PLCB4: variants seen among roughly 807,000 people sequenced by gnomAD.
PLCB4 encodes phospholipase C beta 4.
PLCB4 carries 77 observed loss-of-function variants against 178.8 expected under a neutral mutation model. That is an observed-to-expected ratio of 0.43 (90% CI 0.36 to 0.52). The LOEUF is 0.52. Among genes scored for constraint, PLCB4 ranks in the 20% least tolerant of loss-of-function variants. The pLI is 0.00. For missense variants in PLCB4, 1,024 were observed against 1,453.4 expected (o/e 0.70, Z 4.80); for synonymous variants, 496 against 490.8 (o/e 1.01, Z -0.14).
intron 9 of PLCB4, 146 bp from the exon 10 acceptor site, chr20:9,371,068 T>C (rs1472839272): frequency 6.4e-6 from 4 of 624,082 alleles, no homozygotes; most frequent in Non-Finnish European, 5.8e-6. Context: ...GTTTGGGAAA[T>C]GAAAAACATC....
chr20:9,424,092 A>G, intron 28 of PLCB4, 140 bp downstream of exon 28: 2 of 628,186 alleles, frequency 3.2e-6, no homozygotes. Context: ...ATTACCTTGA[A>G]TACATCAAGA....
At chr20:9,232,107 A>C (rs1390466037) in intron 3 of PLCB4, among the ~76,000 whole-genome samples, 2 of 152,156 alleles carry the variant, frequency 1.3e-5, no homozygotes, top group Admixed American at 6.5e-5. Context: ...GGCAGATCTA[A>C]TCCATAGTGA....
intron 7 of PLCB4, among the ~76,000 whole-genome samples, chr20:9,360,801 T>C (rs1277965787): frequency 2.0e-5 from 3 of 152,254 alleles, no homozygotes; most frequent in Non-Finnish European, 4.4e-5. Context: ...TGATGCTTGC[T>C]GAGGCTTTCG....
At chr20:9,259,559 A>G (rs2094275436) in intron 3 of PLCB4, among the ~76,000 whole-genome samples, 1 of 152,170 alleles carries the variant, frequency 6.6e-6, no homozygotes, top group Non-Finnish European at 1.5e-5. Flanking sequence ...AGTCAATTAA[A>G]AAACGAAATA....
intron 7 of PLCB4, among the ~76,000 whole-genome samples, 200 bp downstream of exon 7, chr20:9,339,237 A>ATACCTAC (rs749229274): frequency 1.4e-4 from 21 of 152,192 alleles, no homozygotes; most frequent in Non-Finnish European, 2.4e-4. Flanking sequence ...AACAACCCAA[A>ATACCTAC]TACCTACTAC....
Position 9,419,840 on chromosome 20 carries a change from T to A in PLCB4, c.2085T>A (p.Pro695=). The A allele has an allele frequency of 6.2e-7, 1 of 1,614,048 alleles. No homozygotes were observed. The highest frequency in any genetic ancestry group is 8.5e-7 in the Non-Finnish European group (1 of 1,179,854). The change falls in exon 26 of 40, where the codon CCT becomes CCA. Residue 695 remains proline (P), a synonymous_variant. Coordinates refer to ENST00000378473, the MANE Select transcript of PLCB4 (RefSeq NM_001377142.1). ...YLLKPDFMRR[P]DRTFDPFSET... ...TCAAACCAGATTTCATGAGGCGGCC[T>A]GATCGAACATTTGACCCCTTCTCTG...
At chr20:9,460,321 G>C (rs777787579) in intron 35 of PLCB4, among the ~76,000 whole-genome samples, 1 of 152,142 alleles carries the variant, frequency 6.6e-6, no homozygotes, top group African/African-American at 2.4e-5. Flanking sequence ...AGAATGATCT[G>C]GAGTCTCTTA....
At position 9,409,262 on chromosome 20, in the gene PLCB4, G is replaced by C. The variant is rs138006275; in HGVS notation, c.1999+81G>C. On this transcript the variant is annotated intron_variant, in intron 24 of 39. Coordinates refer to ENST00000378473, the MANE Select transcript of PLCB4 (RefSeq NM_001377142.1). ...TGCCAGCACTTCCCATCAGTTGGCT[G>C]TGGGCATTTTTTAAAGGAAGCAGAC... 2.1e-3 allele frequency: 2,523 copies of C among 1,196,842 alleles called. 15 individuals carry two copies. Among genetic ancestry groups the C allele is most frequent in the African/African-American group, 0.019 (1,227 of 63,040 alleles). The allele number at this position is 1,196,842 out of a possible 1,614,324, so 74.1% of individuals were successfully genotyped here.
intron 2 of PLCB4, among the ~76,000 whole-genome samples, chr20:9,175,563 C>T (rs571383305): frequency 1.3e-5 from 2 of 152,152 alleles, no homozygotes; most frequent in African/African-American, 2.4e-5. Flanking sequence ...AAATTAAATA[C>T]AAATGTTATG....
intron 2 of PLCB4, among the ~76,000 whole-genome samples, chr20:9,187,827 G>A (rs1324743902): frequency 6.6e-6 from 1 of 152,180 alleles, no homozygotes; most frequent in Non-Finnish European, 1.5e-5. Flanking sequence ...AAGATTCAAG[G>A]GTGGGTTGTC....
intron 2 of PLCB4, among the ~76,000 whole-genome samples, chr20:9,099,084 A>G (rs925309216): frequency 6.6e-6 from 1 of 152,034 alleles, no homozygotes; most frequent in African/African-American, 2.4e-5. Flanking sequence ...AATCTACTTT[A>G]TACTACTACC....
At chr20:9,459,511 G>T in intron 34 of PLCB4, 124 bp from the exon 35 acceptor site, 1 of 568,788 alleles carries the variant, frequency 1.8e-6, no homozygotes. Flanking sequence ...GTGGTTATAG[G>T]TGTCTCATGA....
chr20:9,103,445 A>C (rs2091253754), intron 2 of PLCB4, among the ~76,000 whole-genome samples: 1 of 152,214 alleles, frequency 6.6e-6, no homozygotes, highest in South Asian at 2.1e-4. Flanking sequence ...GCACCATTTA[A>C]TATTTTTGCA....
Position 9,337,278 on chromosome 20 carries a change from C to T in PLCB4, c.165+72C>T, listed in dbSNP as rs2032594304. ...GCCATTTTGTTTCTCAACAAGTAGA[C>T]TGAGTGCTGTTGATGAACCCTACCC... On this transcript the variant is annotated intron_variant, in intron 5 of 39. Transcript: ENST00000378473. The T allele has an allele frequency of 1.1e-5, 11 of 1,034,348 alleles. No homozygotes were observed. The Admixed American group carries it at 1.9e-4, about 18-fold the overall frequency. The allele number at this position is 1,034,348 out of a possible 1,614,324, so 64.1% of individuals were successfully genotyped here. A position where few individuals can be genotyped will look rare whatever the true frequency, so the allele number is the denominator to read the frequency against.
chr20:9,084,259 G>T (rs2090296558), intron 1 of PLCB4, among the ~76,000 whole-genome samples: 2 of 151,976 alleles, frequency 1.3e-5, no homozygotes, highest in Non-Finnish European at 2.9e-5. Flanking sequence ...CTTCTTTAAG[G>T]AGTCTTATAA....
At chr20:9,151,238 G>A (rs2092685247) in intron 2 of PLCB4, among the ~76,000 whole-genome samples, 1 of 152,162 alleles carries the variant, frequency 6.6e-6, no homozygotes, top group Non-Finnish European at 1.5e-5. Context: ...ATGGGAGAAC[G>A]TGCATAGGTT....
chr20:9,139,450 G>A (rs1410328748), intron 2 of PLCB4, among the ~76,000 whole-genome samples: 1 of 152,054 alleles, frequency 6.6e-6, no homozygotes, highest in Non-Finnish European at 1.5e-5. Context: ...CAGCTAGGAT[G>A]CCAGCTGGAA....
chr20:9,172,718 C>G (rs2093085028), intron 2 of PLCB4, among the ~76,000 whole-genome samples: 1 of 152,170 alleles, frequency 6.6e-6, no homozygotes, highest in South Asian at 2.1e-4. Context: ...TCTCTGCAAA[C>G]ATGATAAACC....
At chr20:9,175,158 C>G (rs974587667) in intron 2 of PLCB4, among the ~76,000 whole-genome samples, 1 of 152,172 alleles carries the variant, frequency 6.6e-6, no homozygotes. Context: ...CACCCCAGAC[C>G]TACTGGATCA....
Sources: allele counts gnomAD v4.1 joint callset (sites outside exome capture counted in the v4.1 genomes callset), GRCh38; gene constraint gnomAD v4.1.1; transcripts MANE v1.5; gene names NCBI Gene and HGNC (gene_info 2026-07-23, HGNC 2026-07-21).